Variants in MROH9 observed in about 807,000 individuals in gnomAD.
The protein encoded by MROH9 is maestro heat like repeat family member 9.
Under a neutral mutation model 98.2 loss-of-function variants are expected in MROH9, and 92 were observed. The ratio of observed to expected loss-of-function variants is 0.94; its 90% CI spans 0.79 to 1.11. The LOEUF (loss-of-function observed/expected upper bound fraction) is 1.11, where lower values mean the gene tolerates loss of function less well. Ranked by LOEUF, MROH9 falls within the 50% of genes most tolerant of loss-of-function variation. The pLI is 0.00. For missense variants in MROH9, 1,057 were observed against 1,014.8 expected, an observed-to-expected ratio of 1.04 and a Z score of -0.57; for synonymous variants, 397 against 368.9, an observed-to-expected ratio of 1.08 and a Z score of -0.87.
chr1:170,940,979 A>G (rs1188476629), intron 1 of MROH9, among the ~76,000 whole-genome samples: 1 of 152,154 alleles, frequency 6.6e-6, no homozygotes, highest in Non-Finnish European at 1.5e-5. Context: ...GCATTCCAGA[A>G]CTGAGGAAAT....
intron 12 of MROH9, among the ~76,000 whole-genome samples, chr1:170,993,534 G>A (rs760136362): frequency 6.6e-6 from 1 of 152,152 alleles, no homozygotes; most frequent in Non-Finnish European, 1.5e-5. Context: ...GTCTTTCTAT[G>A]AGTGCATGTG....
intron 3 of MROH9, among the ~76,000 whole-genome samples, chr1:170,956,484 A>G (rs1238255476): frequency 6.8e-6 from 1 of 147,824 alleles, no homozygotes; most frequent in Non-Finnish European, 1.5e-5. Context: ...GTCATCTATG[A>G]TTTATTTCAG....
In MROH9 at chr1:170,979,841, C is replaced by T. The variant is rs1427653200; in HGVS notation, c.617-3581C>T. 4.6e-5 allele frequency among the ~76,000 whole-genome samples: 7 copies of T among 152,234 alleles called. No individual in the cohort carries two copies. In the South Asian group the frequency reaches 1.0e-3, roughly 23 times the overall value. The stretch of plus-strand genomic sequence containing the variant: ...ACATCATTTTATATTTAGAAAACCC[C>T]ATCATCTCAGTCCACAAACTTCTTG... On this transcript the variant is annotated intron_variant, in intron 8 of 21. Coordinates refer to ENST00000367759, the MANE Select transcript of MROH9 (RefSeq NM_001163629.2).
At chr1:171,050,386 T>A (rs1435901794) in intron 20 of MROH9, among the ~76,000 whole-genome samples, 1 of 152,226 alleles carries the variant, frequency 6.6e-6, no homozygotes, top group East Asian at 1.9e-4. Flanking sequence ...CTTATAGAGA[T>A]CTTTCACCTC....
intron 20 of MROH9, among the ~76,000 whole-genome samples, chr1:171,028,260 G>A (rs113181016): frequency 1.2e-4 from 18 of 152,120 alleles, no homozygotes; most frequent in Admixed American, 5.2e-4. Context: ...GCCAGTTTTC[G>A]CAGCACCATT....
chr1:170,947,966 G>T (rs1021359481), intron 3 of MROH9, among the ~76,000 whole-genome samples: 2 of 151,880 alleles, frequency 1.3e-5, no homozygotes, highest in African/African-American at 4.8e-5. Context: ...CTGATTGAAT[G>T]ATATTATTTC....
Position 171,048,425 on chromosome 1 carries a change from G to A in MROH9, c.2282-13707G>A, listed in dbSNP as rs181416784. On this transcript the variant is annotated intron_variant, in intron 20 of 21. Transcript: ENST00000367759. Reference sequence around the variant, plus strand: ...CAGAGGAGCCTCACCTTGTAGCCACGACCATCCCACGTCATGAGGAGTACT... The same window carrying A: ...CAGAGGAGCCTCACCTTGTAGCCACAACCATCCCACGTCATGAGGAGTACT... 2.2e-3 allele frequency among the ~76,000 whole-genome samples: 338 copies of A among 152,142 alleles called. 4 individuals carry two copies. Among genetic ancestry groups the A allele is most frequent in the African/African-American group, 7.2e-3 (298 of 41,500 alleles).
intron 8 of MROH9, among the ~76,000 whole-genome samples, chr1:170,975,045 T>A (rs946317381): frequency 6.6e-6 from 1 of 151,728 alleles, no homozygotes; most frequent in Non-Finnish European, 1.5e-5. Flanking sequence ...TAGAAAATAA[T>A]TTAAAATGAG....
chr1:170,985,973 G>A (rs989511453), intron 9 of MROH9, among the ~76,000 whole-genome samples: 1 of 151,904 alleles, frequency 6.6e-6, no homozygotes, highest in African/African-American at 2.4e-5. Flanking sequence ...TCCATATAAA[G>A]GCAAAAGGAG....
intron 15 of MROH9, among the ~76,000 whole-genome samples, chr1:171,003,568 G>T (rs1032622687): frequency 2.6e-5 from 4 of 152,222 alleles, no homozygotes; most frequent in African/African-American, 9.6e-5. Context: ...ACTGGGGGTT[G>T]TCTGCACAGA....
At chr1:171,019,991 T>C (rs917299441) in intron 17 of MROH9, among the ~76,000 whole-genome samples, 12 of 152,152 alleles carry the variant, frequency 7.9e-5, no homozygotes, top group Non-Finnish European at 1.6e-4. Flanking sequence ...TTAACATCTA[T>C]ACACAAATAA....
intron 20 of MROH9, among the ~76,000 whole-genome samples, chr1:171,043,584 T>G (rs1016500559): frequency 6.6e-6 from 1 of 152,088 alleles, no homozygotes; most frequent in Non-Finnish European, 1.5e-5. Context: ...TATGGACATT[T>G]TAACAAAATT....
At chr1:171,040,109 A>G in intron 20 of MROH9, among the ~76,000 whole-genome samples, 1 of 152,154 alleles carries the variant, frequency 6.6e-6, no homozygotes, top group East Asian at 1.9e-4. Flanking sequence ...AACCAAAGAC[A>G]GAAACATACT....
In MROH9 at chr1:170,989,551, G is replaced by T. The variant is rs143240085; in HGVS notation, c.880-304G>T. Among the ~76,000 whole-genome samples, 84 of 152,264 alleles carry T rather than the reference G, an allele frequency of 5.5e-4. No homozygotes were observed. The East Asian group carries it at 0.011, about 20-fold the overall frequency. ...TTTTCTTTAAGTACTTGAATTATATGTATGTTTCCTATACCGAGCTTATAT... is the reference window on the plus strand; with the variant it reads ...TTTTCTTTAAGTACTTGAATTATATTTATGTTTCCTATACCGAGCTTATAT... On this transcript the variant is annotated intron_variant, in intron 10 of 21. Transcript: ENST00000367759.
intron 11 of MROH9, among the ~76,000 whole-genome samples, chr1:170,991,000 A>G (rs199567961): frequency 6.6e-6 from 1 of 152,166 alleles, no homozygotes; most frequent in East Asian, 1.9e-4. Flanking sequence ...TCTTTGTAAG[A>G]TGATTTACTC....
At chr1:170,995,916 A>G (rs1320336785) in intron 13 of MROH9, among the ~76,000 whole-genome samples, 3 of 152,146 alleles carry the variant, frequency 2.0e-5, no homozygotes, top group African/African-American at 7.2e-5. Context: ...TATTATACAT[A>G]TAAGATTAAA....
chr1:170,970,702 C>CTGTGGGTGTGTGTGTGTGTGTG (rs1650409365), intron 7 of MROH9, among the ~76,000 whole-genome samples: 1 of 118,478 alleles, frequency 8.4e-6, no homozygotes, highest in Non-Finnish European at 1.7e-5. Flanking sequence ...TTAGGAATTT[C>CTGTGGGTGTGTGTGTGTGTGTG]TGTGTGTGTG....
At chr1:170,989,494 A>G (rs1314476947) in intron 10 of MROH9, among the ~76,000 whole-genome samples, 4 of 152,220 alleles carry the variant, frequency 2.6e-5, no homozygotes, top group South Asian at 2.1e-4. Context: ...TATACACTGT[A>G]GCTCCATTGT....
At chr1:170,975,919 T>C (rs1446147431) in intron 8 of MROH9, among the ~76,000 whole-genome samples, 1 of 152,202 alleles carries the variant, frequency 6.6e-6, no homozygotes, top group Non-Finnish European at 1.5e-5. Context: ...CTTTTTTGTC[T>C]TTTTTGATCT....
Sources: gnomAD v4.1 joint callset for allele counts (sites outside exome capture counted in the v4.1 genomes callset) on GRCh38, gnomAD v4.1.1 for gene constraint, MANE v1.5 for transcripts, NCBI Gene and HGNC (gene_info 2026-07-23, HGNC 2026-07-21) for gene names.